The following CLEC2A variants were observed in gnomAD, a reference collection of about 807,000 sequenced individuals.
CLEC2A encodes C-type lectin domain family 2 member A.
In CLEC2A, 19 loss-of-function variants were observed where a neutral mutation model predicts 18.6. The ratio of observed to expected loss-of-function variants is 1.02; its 90% CI spans 0.71 to 1.50. The LOEUF (loss-of-function observed/expected upper bound fraction) is 1.50, where lower values mean the gene tolerates loss of function less well. CLEC2A is among the 40% of genes most tolerant of loss of function. The pLI, the probability that CLEC2A is intolerant of heterozygous loss-of-function variation, is 0.00. For missense variants in CLEC2A, 190 were observed against 207.9 expected (o/e 0.91, Z 0.53); for synonymous variants, 74 against 64.0 (o/e 1.16, Z -0.75).
chr12:9,893,951 T>A (rs1862719998), downstream of CLEC2A, among the ~76,000 whole-genome samples: 1 of 152,124 alleles, frequency 6.6e-6, no homozygotes, highest in Admixed American at 6.5e-5. Flanking sequence ...GGAGTTGAAA[T>A]CAGAAAACAT....
intron 1 of CLEC2A, among the ~76,000 whole-genome samples, chr12:9,927,833 G>GT (rs573411594): frequency 6.2e-4 from 91 of 145,930 alleles, no homozygotes; most frequent in East Asian, 1.7e-3. Flanking sequence ...CATAAAATGT[G>GT]TTTTTTTTTT....
At chr12:9,887,283 T>G in the CLEC2A span, among the ~76,000 whole-genome samples, 2 of 152,094 alleles carry the variant, frequency 1.3e-5, no homozygotes, top group African/African-American at 4.8e-5. Flanking sequence ...GATGATAGAT[T>G]AGATAGATAA....
At chr12:9,881,756 T>G in the CLEC2A span, 2 of 909,484 alleles carry the variant, frequency 2.2e-6, no homozygotes, top group Non-Finnish European at 3.4e-6. Flanking sequence ...ATCTTAACAT[T>G]GATCATAATA....
At chr12:9,911,583 C>T (rs111365597), downstream of CLEC2A, among the ~76,000 whole-genome samples, 228 of 152,326 alleles carry the variant, frequency 1.5e-3, no homozygotes, top group African/African-American at 5.4e-3. Flanking sequence ...GTGACACCTG[C>T]ATTTTACCAA....
the CLEC2A span, among the ~76,000 whole-genome samples, chr12:9,887,729 T>G: frequency 8.0e-4 from 122 of 151,894 alleles, no homozygotes; most frequent in Non-Finnish European, 1.6e-3. Flanking sequence ...AAAGAGTTTT[T>G]TTTTTTTTTT....
At chr12:9,893,643 C>T in the CLEC2A span, 110 of 454,732 alleles carry the variant, frequency 2.4e-4, 5 homozygotes, top group Non-Finnish European at 2.3e-5. Flanking sequence ...CTCTGTTTTC[C>T]CTTATCTTTA....
intron 2 of CLEC2A, among the ~76,000 whole-genome samples, chr12:9,925,467 G>A (rs1314262393): frequency 6.6e-6 from 1 of 152,172 alleles, no homozygotes; most frequent in African/African-American, 2.4e-5. Context: ...TTATTTGTGA[G>A]AGGCAACTTA....
At chr12:9,924,533 A>G (rs1863233953) in intron 2 of CLEC2A, among the ~76,000 whole-genome samples, 1 of 152,168 alleles carries the variant, frequency 6.6e-6, no homozygotes, top group East Asian at 1.9e-4. Flanking sequence ...AATTAAGCAA[A>G]CCATGCATAT....
chr12:9,927,831 G>T (rs1863301529), intron 1 of CLEC2A, among the ~76,000 whole-genome samples: 1 of 151,276 alleles, frequency 6.6e-6, no homozygotes, highest in Admixed American at 6.6e-5. Context: ...AACATAAAAT[G>T]TGTTTTTTTT....
At chr12:9,888,563 G>A in the CLEC2A span, among the ~76,000 whole-genome samples, 1 of 152,176 alleles carries the variant, frequency 6.6e-6, no homozygotes, top group Non-Finnish European at 1.5e-5. Context: ...AAACAGATAT[G>A]GCGAAACGTA....
the CLEC2A span, chr12:9,885,084 T>C: frequency 1.7e-6 from 1 of 601,210 alleles, no homozygotes; most frequent in Non-Finnish European, 2.5e-6. Flanking sequence ...TAAATGTTGA[T>C]CCTTCATTCC....
chr12:9,927,783 T>G (rs2137055954), intron 1 of CLEC2A, among the ~76,000 whole-genome samples: 1 of 152,214 alleles, frequency 6.6e-6, no homozygotes, highest in African/African-American at 2.4e-5. Flanking sequence ...GTTTGGTAAT[T>G]TATCTTACAT....
the CLEC2A span, among the ~76,000 whole-genome samples, chr12:9,883,300 T>C: frequency 6.6e-6 from 1 of 152,200 alleles, no homozygotes; most frequent in Non-Finnish European, 1.5e-5. Context: ...ACAATTAGTG[T>C]TCTTGCAATA....
At chr12:9,885,052 T>G in the CLEC2A span, 1 of 935,862 alleles carries the variant, frequency 1.1e-6, no homozygotes, top group South Asian at 3.8e-5. Flanking sequence ...AAATTTTTAT[T>G]TATTTGAACA....
rs1376144973 is a variant in CLEC2A, at chr12:9,902,387, T to C, written c.411-3411A>G. Among the ~76,000 whole-genome samples, 5 of 151,976 alleles carry C rather than the reference T, an allele frequency of 3.3e-5. No homozygotes were observed. The East Asian group carries it at 9.7e-4, about 29-fold the overall frequency. Reference sequence around the variant, plus strand: ...AGCTGGAATTACAGGTGTGCACCATTGCGCCTGGTTAATTTTTGAATTTGT... The same window carrying C: ...AGCTGGAATTACAGGTGTGCACCATCGCGCCTGGTTAATTTTTGAATTTGT... On this transcript the variant is annotated intron_variant, in intron 4 of 4. Coordinates refer to the CLEC2A transcript ENST00000339766.
chr12:9,897,838 C>T (rs1206383213), downstream of CLEC2A, among the ~76,000 whole-genome samples: 1 of 152,256 alleles, frequency 6.6e-6, no homozygotes. Flanking sequence ...GGGATCTGCC[C>T]TTATCTGCCT....
At chr12:9,922,439 C>T (rs561521626) in intron 2 of CLEC2A, among the ~76,000 whole-genome samples, 1 of 152,198 alleles carries the variant, frequency 6.6e-6, no homozygotes, top group African/African-American at 2.4e-5. Flanking sequence ...TTTCTATTTC[C>T]CTGGCTTCTA....
chr12:9,882,200 G>A, the CLEC2A span, among the ~76,000 whole-genome samples: 39 of 152,100 alleles, frequency 2.6e-4, no homozygotes, highest in Admixed American at 2.6e-3. Context: ...AAACAATCTT[G>A]TTGAAATAGC....
chr12:9,925,465 G>A (rs1023771339), intron 2 of CLEC2A, among the ~76,000 whole-genome samples: 2 of 152,180 alleles, frequency 1.3e-5, no homozygotes, highest in African/African-American at 4.8e-5. Flanking sequence ...TATTATTTGT[G>A]AGAGGCAACT....
Sources: gnomAD v4.1 joint callset for allele counts (sites outside exome capture counted in the v4.1 genomes callset) on GRCh38, gnomAD v4.1.1 for gene constraint, MANE v1.5 for transcripts, NCBI Gene and HGNC (gene_info 2026-07-23, HGNC 2026-07-21) for gene names.